The following NLRP1 variants were observed in gnomAD, a reference collection of about 807,000 sequenced individuals.
NLRP1 encodes the protein NLR family pyrin domain containing 1.
NLRP1 carries 94 observed loss-of-function variants against 136.7 expected under a neutral mutation model. That is an observed-to-expected ratio of 0.69 (90% confidence interval 0.58 to 0.82). The LOEUF (loss-of-function observed/expected upper bound fraction) is 0.82. NLRP1 is among the 40% of genes least tolerant of loss of function. NLRP1 has a pLI of 0.00. For synonymous variants in NLRP1, 690 were observed against 725.1 expected (o/e 0.95, Z 0.78); for missense variants, 1,575 against 1,802.7 (o/e 0.87, Z 2.29).
At chr17:5,544,590 G>A (rs1912319396) in intron 5 of NLRP1, among the ~76,000 whole-genome samples, 1 of 152,206 alleles carries the variant, frequency 6.6e-6, no homozygotes, top group Non-Finnish European at 1.5e-5. Flanking sequence ...AACACTGCTA[G>A]TGTCCCAGTG....
intron 5 of NLRP1, among the ~76,000 whole-genome samples, chr17:5,544,958 G>C (rs9904306): frequency 1.3e-5 from 2 of 152,038 alleles, no homozygotes; most frequent in South Asian, 4.2e-4. Context: ...GGGAGCGGCT[G>C]TGTGTGAGGG....
intron 12 of NLRP1, among the ~76,000 whole-genome samples, chr17:5,524,429 A>G (rs893620315): frequency 1.2e-4 from 18 of 152,172 alleles, no homozygotes; most frequent in African/African-American, 4.1e-4. Flanking sequence ...ACTTTTCACC[A>G]TGATAAATAG....
At chr17:5,502,076 T>C in intron 15 of NLRP1, 1 of 527,328 alleles carries the variant, frequency 1.9e-6, no homozygotes. Flanking sequence ...CTCTCTATCC[T>C]ACAGCGTTGC....
chr17:5,533,417 G>A (rs1362683214), intron 9 of NLRP1, 33 bp from the exon 10 acceptor site: 1 of 802,170 alleles, frequency 1.2e-6, no homozygotes. Flanking sequence ...AGCCAGGCAT[G>A]GTGGTGAGCA....
At chr17:5,509,395 A>G (rs1474658024), downstream of NLRP1, among the ~76,000 whole-genome samples, 1 of 152,152 alleles carries the variant, frequency 6.6e-6, no homozygotes, top group Non-Finnish European at 1.5e-5. Context: ...TGCATGGCTC[A>G]AAGTTTAAAT....
intron 3 of NLRP1, among the ~76,000 whole-genome samples, chr17:5,578,441 G>C (rs1230277348): frequency 6.6e-6 from 1 of 152,190 alleles, no homozygotes; most frequent in African/African-American, 2.4e-5. Flanking sequence ...CCATCAAAAA[G>C]TGGGTGAAGG....
In NLRP1 at chr17:5,533,987, T is replaced by G. The variant is rs750346142; in HGVS notation, c.2962A>C (p.Lys988Gln). The G allele has an allele frequency of 1.9e-6, 3 of 1,603,870 alleles. No homozygotes were observed. The East Asian group carries it at 6.7e-5, about 36-fold the overall frequency. ...TCAGTAGGGGTCATCACACTTGGTT[T>G]CCTGGACAAAGAATTGTTCATTCTG... Reference protein sequence around the residue: ...KPQLLIFSRRKPSVMTPTEGL... With the variant: ...KPQLLIFSRRQPSVMTPTEGL... The change falls in exon 9 of 17, where the codon AAA (lysine) becomes CAA (glutamine). Residue 988 changes from lysine to glutamine, a missense_variant and splice_region_variant. By Grantham distance (53) the Lys-to-Gln change is moderately conservative. Coordinates refer to ENST00000572272, the MANE Select transcript of NLRP1 (RefSeq NM_033004.4).
At position 5,559,023 on chromosome 17, in the gene NLRP1, G is replaced by T. The variant is rs1210315640; in HGVS notation, c.1673C>A (p.Ala558Asp). 3.7e-6 allele frequency: 6 copies of T among 1,614,018 alleles called. No individual in the cohort carries two copies. The highest frequency in any genetic ancestry group is 1.3e-5 in the African/African-American group (1 of 74,902). The change falls in exon 4 of 17, where the codon GCT becomes GAT. Residue 558 changes from alanine to aspartate, a missense_variant. Coordinates refer to ENST00000572272, the MANE Select transcript of NLRP1 (RefSeq NM_033004.4). ...TTLCLHYLAQ[A>D]LQAQPLGPQL... ...GGGTCCCAATGGCTGAGCTTGGAGAGCCTGGGCAAGGTAATGTAGACAGAG... is the reference window on the plus strand; with the variant it reads ...GGGTCCCAATGGCTGAGCTTGGAGATCCTGGGCAAGGTAATGTAGACAGAG...
intron 12 of NLRP1, among the ~76,000 whole-genome samples, chr17:5,524,866 G>A (rs527455689): frequency 3.0e-4 from 46 of 152,176 alleles, no homozygotes; most frequent in Non-Finnish European, 5.7e-4. Flanking sequence ...GTCCATGCTT[G>A]CCCAGGACCG....
At position 5,539,467 on chromosome 17, in the gene NLRP1, G is replaced by A. The variant is rs193920788; in HGVS notation, c.2818C>T (p.Arg940Ter). 1.1e-5 allele frequency: 18 copies of A among 1,613,948 alleles called. No individual in the cohort carries two copies. In the Admixed American group the frequency reaches 1.8e-4, roughly 16 times the overall value. Residue 940 changes from arginine to a stop codon, truncating the protein, a stop_gained, in exon 7 of 17, where the codon CGA becomes TGA. Coordinates refer to ENST00000572272, the MANE Select transcript of NLRP1 (RefSeq NM_033004.4). LOFTEE classifies it high-confidence loss of function. ...TGCCTGAGCCCCTCACAGAGCAGTC[G>A]CACGCCAACGTCATCCAGGTTGTTC... Reference protein sequence around the residue: ...QQNNLDDVGVRLLCEGLRHPA... With the variant: ...QQNNLDDVGV
At chr17:5,518,963 T>G (rs183751969) in intron 14 of NLRP1, among the ~76,000 whole-genome samples, 1 of 150,442 alleles carries the variant, frequency 6.6e-6, no homozygotes, top group African/African-American at 2.4e-5. Context: ...CTCAGCCTCC[T>G]GAGTATCAGG....
chr17:5,532,738 G>T (rs1660673689), intron 11 of NLRP1, 84 bp downstream of exon 11: 1 of 1,253,340 alleles, frequency 8.0e-7, no homozygotes, highest in Non-Finnish European at 1.1e-6. Context: ...GGGGTAGGGG[G>T]TGGCGCTGAC....
chr17:5,564,756 T>TTC (rs1364973031), intron 3 of NLRP1, among the ~76,000 whole-genome samples: 3 of 149,436 alleles, frequency 2.0e-5, no homozygotes, highest in Non-Finnish European at 4.5e-5. Flanking sequence ...TTTTTTTTTT[T>TTC]AGACAGAGTC....
rs202056110 is a variant in NLRP1, at chr17:5,514,559, G to T, written c.*195C>A. 862 of 1,431,128 alleles carry T rather than the reference G, an allele frequency of 6.0e-4. 2 individuals are homozygous for T. Among genetic ancestry groups the T allele is most frequent in the Middle Eastern group, 3.4e-3 (13 of 3,868 alleles). 88.7% of individuals were successfully genotyped at this position (1,431,128 alleles called of 1,614,324 possible). ...ATGGACATTCCCTGAGATGCTGTTA[G>T]GCCACCTGGACTGGGGCCCCCTGTG... On this transcript the variant is annotated 3_prime_UTR_variant, in exon 17 of 17. Coordinates refer to ENST00000572272, the MANE Select transcript of NLRP1 (RefSeq NM_033004.4).
chr17:5,568,590 T>C (rs1458738087), intron 3 of NLRP1, among the ~76,000 whole-genome samples: 1 of 152,150 alleles, frequency 6.6e-6, no homozygotes, highest in Non-Finnish European at 1.5e-5. Flanking sequence ...CATGTTTTCC[T>C]GGATGGTGTT....
chr17:5,513,195 C>A (rs1479782569), downstream of NLRP1, among the ~76,000 whole-genome samples: 1 of 152,200 alleles, frequency 6.6e-6, no homozygotes, highest in Admixed American at 6.5e-5. Flanking sequence ...GTATTTCAGA[C>A]AACAGAAGAC....
At chr17:5,554,727 T>C (rs1428890372) in intron 4 of NLRP1, among the ~76,000 whole-genome samples, 1 of 151,966 alleles carries the variant, frequency 6.6e-6, no homozygotes, top group Non-Finnish European at 1.5e-5. Flanking sequence ...ACTACAAACA[T>C]ATAAAAAAAG....
rs1326643634 is a variant in NLRP1 at position 5,539,494 on chromosome 17, G to A, written c.2791C>T (p.Gln931Ter). ...ACGCCAACGTCATCCAGGTTGTTCT[G>A]CTGCAGGTCTAGCTCCTTCAGGCTG... The part of the protein sequence containing the change: ...SPSLKELDLQ[Q>*]NNLDDVGVRL... Residue 931 changes from glutamine (Q) to a stop codon, truncating the protein, a stop_gained, in exon 7 of 17, where the codon CAG becomes TAG. Transcript: ENST00000572272. LOFTEE classifies it high-confidence loss of function. 1 of 1,614,174 alleles carries A rather than the reference G, an allele frequency of 6.2e-7. No homozygotes were observed. The highest frequency in any genetic ancestry group is 1.3e-5 in the African/African-American group (1 of 75,054).
At position 5,529,618 on chromosome 17, in the gene NLRP1, G is replaced by A. The variant is rs897228153; in HGVS notation, c.3520+863C>T. ...CCTGACCTCGTGATCCGCCCTCCTC[G>A]GCCTCCCAAAGTCCTGGGATCACAG... On this transcript the variant is annotated intron_variant, in intron 12 of 16. Transcript: ENST00000572272. Among the ~76,000 whole-genome samples, 6 of 152,058 alleles carry A rather than the reference G, an allele frequency of 3.9e-5. No homozygotes were observed. The South Asian group carries it at 1.0e-3, about 26-fold the overall frequency.
Sources: gnomAD v4.1 joint callset for allele counts (sites outside exome capture counted in the v4.1 genomes callset) on GRCh38, gnomAD v4.1.1 for gene constraint, MANE v1.5 for transcripts, NCBI Gene and HGNC (gene_info 2026-07-23, HGNC 2026-07-21) for gene names.